The following CDIN1 variants were observed in gnomAD, a reference collection of about 807,000 sequenced individuals.
CDIN1 encodes CDAN1 interacting nuclease 1, also known as CDAN1-interacting nuclease 1.
CDIN1 carries 33 observed loss-of-function variants against 45.3 expected under a neutral mutation model. That is an observed-to-expected ratio of 0.73 (90% CI 0.55 to 0.97). The LOEUF is 0.97. Ranked by LOEUF, CDIN1 falls within the 50% of genes least tolerant of loss-of-function variation. The pLI is 0.00. For missense variants in CDIN1, 303 were observed against 339.4 expected, an observed-to-expected ratio of 0.89 and a Z score of 0.84; for synonymous variants, 118 against 124.4, an observed-to-expected ratio of 0.95 and a Z score of 0.34.
At chr15:36,708,410 T>C (rs1191162642) in intron 8 of CDIN1, 3 of 151,890 alleles carry the variant, frequency 2.0e-5, no homozygotes, top group African/African-American at 7.3e-5. Flanking sequence ...AGAAATCACA[T>C]TGTACTGCCA....
intron 8 of CDIN1, among the ~76,000 whole-genome samples, chr15:36,703,616 G>T (rs1192718905): frequency 2.6e-5 from 4 of 151,788 alleles, no homozygotes; most frequent in African/African-American, 9.7e-5. Context: ...ACAGGCTAGG[G>T]TTTTGCTCAC....
chr15:36,664,645 C>A (rs1365095562), intron 5 of CDIN1, among the ~76,000 whole-genome samples: 1 of 152,102 alleles, frequency 6.6e-6, no homozygotes, highest in Non-Finnish European at 1.5e-5. Flanking sequence ...CTCCCGGGTT[C>A]ACGCCATTCT....
intron 10 of CDIN1, among the ~76,000 whole-genome samples, chr15:36,760,720 G>C (rs1399607591): frequency 9.0e-6 from 1 of 111,678 alleles, no homozygotes; most frequent in Non-Finnish European, 2.0e-5. Flanking sequence ...AGAAATGGTG[G>C]TGGTGGTGCT....
intron 10 of CDIN1, chr15:36,755,943 G>A: frequency 2.5e-6 from 1 of 406,706 alleles, no homozygotes; most frequent in South Asian, 1.9e-5. Context: ...GTTAAAACAG[G>A]TTCATTCCCT....
chr15:36,695,644 T>C (rs1019349908), intron 7 of CDIN1, among the ~76,000 whole-genome samples: 6 of 152,220 alleles, frequency 3.9e-5, no homozygotes, highest in South Asian at 2.1e-4. Context: ...GTTAGGAGTT[T>C]GAGACCAGCG....
rs115602293 is a variant in CDIN1, at chr15:36,660,574, C to T, written c.346+2669C>T. Among the ~76,000 whole-genome samples, 427 of 152,168 alleles carry T rather than the reference C, an allele frequency of 2.8e-3. 5 individuals are homozygous for T. The highest frequency in any genetic ancestry group is 9.6e-3 in the African/African-American group (399 of 41,498). ...TTAAGGAGTACTGTTGGGTTTCTCA[C>T]GCGATAATTTTTAGGGTATGATATA... is the stretch of plus-strand genomic sequence containing the variant. On this transcript the variant is annotated intron_variant, in intron 5 of 10. Coordinates refer to ENST00000566621, the MANE Select transcript of CDIN1 (RefSeq NM_001321759.2).
rs77570717 is a variant in CDIN1, at chr15:36,680,314, G to A, written c.347-11371G>A. On this transcript the variant is annotated intron_variant, in intron 5 of 10. Coordinates refer to ENST00000566621, the MANE Select transcript of CDIN1 (RefSeq NM_001321759.2). The stretch of plus-strand genomic sequence containing the variant: ...CAACTTCTTAGAAGGATCTTTTTAA[G>A]TATAGTTTTATAACTCTGGCTCCAA... Among the ~76,000 whole-genome samples the A allele has an allele frequency of 7.0e-3, 1,065 of 152,228 alleles. 15 individuals are homozygous for A. The highest frequency in any genetic ancestry group is 0.024 in the African/African-American group (999 of 41,536).
intron 5 of CDIN1, chr15:36,691,068 G>C (rs1176662368): frequency 3.1e-5 from 15 of 489,782 alleles, no homozygotes; most frequent in Admixed American, 1.3e-4. Flanking sequence ...GTCTCTCTCT[G>C]TATATATTTT....
intron 10 of CDIN1, among the ~76,000 whole-genome samples, chr15:36,772,198 A>ATT: frequency 6.7e-6 from 1 of 149,500 alleles, no homozygotes; most frequent in East Asian, 2.0e-4. Context: ...TGAAAACTGT[A>ATT]TTTTTTTTTT....
intron 10 of CDIN1, among the ~76,000 whole-genome samples, chr15:36,739,906 ATTC>A (rs1164636241): frequency 2.0e-5 from 3 of 152,222 alleles, no homozygotes; most frequent in African/African-American, 7.2e-5. Context: ...ACAAAGTTTT[ATTC>A]TTTTTTTAAA....
intron 1 of CDIN1, among the ~76,000 whole-genome samples, chr15:36,608,412 C>G (rs556906024): frequency 6.6e-6 from 1 of 152,244 alleles, no homozygotes; most frequent in South Asian, 2.1e-4. Flanking sequence ...TCTATTTCCT[C>G]AGTGACTAAT....
intron 8 of CDIN1, among the ~76,000 whole-genome samples, chr15:36,699,253 A>G (rs560221379): frequency 7.2e-4 from 110 of 152,120 alleles, no homozygotes; most frequent in Non-Finnish European, 1.4e-3. Context: ...TGAAAAATGA[A>G]AATTGAAAGC....
At chr15:36,770,285 G>A (rs186116430) in intron 10 of CDIN1, among the ~76,000 whole-genome samples, 153 of 151,932 alleles carry the variant, frequency 1.0e-3, no homozygotes, top group Middle Eastern at 6.8e-3. Flanking sequence ...AAAAAAAGGG[G>A]AGGGAGCGAA....
At chr15:36,728,101 A>G (rs2043704667) in intron 10 of CDIN1, among the ~76,000 whole-genome samples, 2 of 152,208 alleles carry the variant, frequency 1.3e-5, no homozygotes, top group African/African-American at 4.8e-5. Context: ...CTTATGATAC[A>G]CAGGTAGTTC....
At chr15:36,609,623 A>G (rs1318241708) in intron 1 of CDIN1, among the ~76,000 whole-genome samples, 1 of 152,218 alleles carries the variant, frequency 6.6e-6, no homozygotes, top group Non-Finnish European at 1.5e-5. Flanking sequence ...GATATGGTTT[A>G]TGAAATGTAT....
intron 5 of CDIN1, among the ~76,000 whole-genome samples, chr15:36,682,966 C>A (rs945088614): frequency 6.6e-6 from 1 of 151,942 alleles, no homozygotes; most frequent in African/African-American, 2.4e-5. Flanking sequence ...AAAAAAAGAG[C>A]AGATAGACTT....
At chr15:36,613,708 A>C in intron 1 of CDIN1, 1 of 1,526,430 alleles carries the variant, frequency 6.6e-7, no homozygotes, top group South Asian at 1.1e-5. Flanking sequence ...AGCTAGAAGA[A>C]GCGGAAAAAG....
intron 5 of CDIN1, among the ~76,000 whole-genome samples, chr15:36,689,313 C>A (rs568802081): frequency 1.3e-5 from 2 of 151,868 alleles, no homozygotes; most frequent in South Asian, 4.2e-4. Flanking sequence ...TAAAAAACAG[C>A]CTTTGTTTTA....
At chr15:36,777,989 C>A (rs1435246491) in intron 10 of CDIN1, among the ~76,000 whole-genome samples, 1 of 152,202 alleles carries the variant, frequency 6.6e-6, no homozygotes, top group Non-Finnish European at 1.5e-5. Context: ...CTCTGAAATG[C>A]TTGGGTGATC....
Sources: allele counts gnomAD v4.1 joint callset (sites outside exome capture counted in the v4.1 genomes callset), GRCh38; gene constraint gnomAD v4.1.1; transcripts MANE v1.5; gene names NCBI Gene and HGNC (gene_info 2026-07-23, HGNC 2026-07-21).